Variants in PRDM2 observed in about 807,000 individuals in gnomAD.
PRDM2 encodes the protein PR domain zinc finger protein 2.
In PRDM2, 30 loss-of-function variants were observed where a neutral mutation model predicts 130.0. The observed-to-expected ratio is 0.23, with a 90% CI of 0.17 to 0.31. PRDM2 has a LOEUF of 0.31. PRDM2 is among the 10% of genes least tolerant of loss of function. The pLI, the probability that PRDM2 is intolerant of heterozygous loss-of-function variation, is 1.00. For missense variants in PRDM2, 2,011 were observed against 2,108.4 expected (o/e 0.95, Z 0.90); for synonymous variants, 871 against 782.4 (o/e 1.11, Z -1.89).
At chr1:13,768,215 C>CTA (rs1207955146) in intron 6 of PRDM2, among the ~76,000 whole-genome samples, 1 of 136,854 alleles carries the variant, frequency 7.3e-6, no homozygotes, top group African/African-American at 2.7e-5. Context: ...GTAGCTGGGA[C>CTA]TATACTACAG....
At chr1:13,766,804 A>T (rs906195424) in intron 6 of PRDM2, among the ~76,000 whole-genome samples, 1 of 152,202 alleles carries the variant, frequency 6.6e-6, no homozygotes, top group African/African-American at 2.4e-5. Context: ...ATATAGTTTT[A>T]AATTTAATTC....
At chr1:13,769,012 A>C in intron 6 of PRDM2, 16 of 419,644 alleles carry the variant, frequency 3.8e-5, no homozygotes, top group South Asian at 1.0e-4. Context: ...ATCTTGATGT[A>C]TTCATTTCTT....
chr1:13,723,963 C>A (rs772674292), intron 2 of PRDM2, among the ~76,000 whole-genome samples: 1 of 152,184 alleles, frequency 6.6e-6, no homozygotes, highest in African/African-American at 2.4e-5. Context: ...CCAAGCCAAC[C>A]AGGAAGGGCT....
At chr1:13,718,685 G>A (rs764306802) in intron 2 of PRDM2, among the ~76,000 whole-genome samples, 9 of 151,898 alleles carry the variant, frequency 5.9e-5, no homozygotes, top group Admixed American at 1.3e-4. Context: ...GTGAGTCTTC[G>A]ATCCTTCCGC....
At position 13,779,415 on chromosome 1, in the gene PRDM2, A is replaced by G. The variant is rs1201901266; in HGVS notation, c.1620A>G (p.Pro540=). 1.9e-6 allele frequency: 3 copies of G among 1,614,060 alleles called. No individual in the cohort carries two copies. Among genetic ancestry groups the G allele is most frequent in the Admixed American group, 3.3e-5 (2 of 59,998 alleles). Residue 540 remains proline, a synonymous_variant, in exon 8 of 10, where the codon CCA becomes CCG. Coordinates refer to ENST00000311066, the MANE Select transcript of PRDM2 (RefSeq NM_001393986.1). The surrounding 1 kb of genome is among the most constrained non-coding windows in gnomAD (Gnocchi z 4.9). The stretch of plus-strand genomic sequence containing the variant: ...AGGCCACCCAGAACGTGTATGTACC[A>G]AGCACAGAGCCGGAGGAGGAAGGGG... ...QAQATQNVYV[P]STEPEEEGEA...
At chr1:13,729,313 A>G (rs932413557) in intron 2 of PRDM2, among the ~76,000 whole-genome samples, 2 of 152,212 alleles carry the variant, frequency 1.3e-5, no homozygotes, top group African/African-American at 4.8e-5. Flanking sequence ...TGGGGAGGAT[A>G]AATGGTGCTG....
intron 8 of PRDM2, among the ~76,000 whole-genome samples, chr1:13,795,057 G>C (rs1644901826): frequency 1.3e-5 from 2 of 152,118 alleles, no homozygotes; most frequent in African/African-American, 4.8e-5. Context: ...TGAGAAAAAA[G>C]ATGATTCATT....
chr1:13,801,148 G>A (rs2281168), intron 8 of PRDM2, among the ~76,000 whole-genome samples: 62,321 of 152,088 alleles, frequency 0.41, 13,590 homozygotes, highest in African/African-American at 0.56. Flanking sequence ...GCATCGACGT[G>A]AGCGAGGACT....
chr1:13,749,626 C>G (rs1316912502), intron 6 of PRDM2, 139 bp downstream of exon 6: 2 of 394,408 alleles, frequency 5.1e-6, no homozygotes, highest in African/African-American at 4.4e-5. Context: ...TCTCGGTGAC[C>G]TTTTCCGGAC....
chr1:13,782,262 A>T lies in PRDM2; in HGVS notation c.4467A>T (p.Lys1489Asn), dbSNP rs149634987. ...PKKPLSPPKK[K>N]VSHSSKKGGH... The stretch of plus-strand genomic sequence containing the variant: ...AACCCCTTTCTCCTCCCAAAAAAAA[A>T]GTTTCTCATTCATCTAAGAAAGGTG... The change falls in exon 8 of 10, where the codon AAA becomes AAT. Residue 1489 changes from lysine to asparagine, a missense_variant. By Grantham distance (94) the Lys-to-Asn change is moderately conservative. Transcript: ENST00000311066. The T allele has an allele frequency of 8.1e-6, 13 of 1,613,580 alleles. No individual in the cohort carries two copies. In the African/African-American group the frequency reaches 1.3e-4, roughly 17 times the overall value.
At chr1:13,737,294 A>T (rs1643301729) in intron 4 of PRDM2, among the ~76,000 whole-genome samples, 1 of 152,256 alleles carries the variant, frequency 6.6e-6, no homozygotes. Context: ...GTTTTGTGAC[A>T]TATGCAAATT....
chr1:13,743,399 C>CAA (rs70984282), intron 5 of PRDM2, among the ~76,000 whole-genome samples: 17 of 41,772 alleles, frequency 4.1e-4, no homozygotes, highest in Non-Finnish European at 6.5e-4. Context: ...GACTCTGTCT[C>CAA]AAAAAAAAAA....
intron 8 of PRDM2, among the ~76,000 whole-genome samples, chr1:13,785,618 A>T (rs536052569): frequency 2.2e-4 from 33 of 151,756 alleles, no homozygotes; most frequent in Non-Finnish European, 4.6e-4. Flanking sequence ...GAAAGCAGGC[A>T]TGCCACAGTC....
At chr1:13,720,290 A>G (rs1285654690) in intron 2 of PRDM2, among the ~76,000 whole-genome samples, 1 of 152,238 alleles carries the variant, frequency 6.6e-6, no homozygotes, top group Admixed American at 6.5e-5. Context: ...TGCCAATGTT[A>G]TGCTGTAGAG....
chr1:13,786,878 C>T (rs975224871), intron 8 of PRDM2: 2 of 1,047,806 alleles, frequency 1.9e-6, no homozygotes, highest in Non-Finnish European at 1.1e-6. Flanking sequence ...TTGAACTTAA[C>T]CTTGCAAAGC....
intron 1 of PRDM2, among the ~76,000 whole-genome samples, chr1:13,703,467 T>G (rs1271678621): frequency 6.6e-6 from 1 of 152,228 alleles, no homozygotes; most frequent in Non-Finnish European, 1.5e-5. Context: ...AAGGATAGAC[T>G]AGATGGTTTA....
At chr1:13,794,794 CATGACAGCGTGAGTT>C (rs1356469456) in intron 8 of PRDM2, among the ~76,000 whole-genome samples, 2 of 152,232 alleles carry the variant, frequency 1.3e-5, no homozygotes, top group Non-Finnish European at 2.9e-5. Context: ...TATAAGATTT[CATGACAGCGTGAGTT>C]GTAGTAGCCA....
At chr1:13,793,250 C>G in intron 8 of PRDM2, among the ~76,000 whole-genome samples, 1 of 152,242 alleles carries the variant, frequency 6.6e-6, no homozygotes, top group Admixed American at 6.5e-5. Flanking sequence ...CTGCCACATG[C>G]CGTGCGCGTT....
intron 8 of PRDM2, among the ~76,000 whole-genome samples, chr1:13,792,099 A>G (rs1171737164): frequency 6.6e-6 from 1 of 152,232 alleles, no homozygotes; most frequent in Non-Finnish European, 1.5e-5. Context: ...ACAGAAAGCT[A>G]CAGGTGAATT....
Sources: gnomAD v4.1 joint callset for allele counts (sites outside exome capture counted in the v4.1 genomes callset) on GRCh38, gnomAD v4.1.1 for gene constraint, Gnocchi (gnomAD v3.1) non-coding constraint, MANE v1.5 for transcripts, NCBI Gene and HGNC (gene_info 2026-07-23, HGNC 2026-07-21) for gene names.